Variants in KIAA1671 observed in about 807,000 individuals in gnomAD.
The protein encoded by KIAA1671 is KIAA1671, also known as uncharacterized protein KIAA1671.
In KIAA1671, 52 loss-of-function variants were observed where a neutral mutation model predicts 131.2. The ratio of observed to expected loss-of-function variants is 0.40; its 90% CI spans 0.32 to 0.50. The LOEUF (loss-of-function observed/expected upper bound fraction) is 0.50. Ranked by LOEUF, KIAA1671 falls within the 20% of genes least tolerant of loss-of-function variation. The probability of loss-of-function intolerance (pLI) is 0.73; values close to 1 mark genes in which losing one functional copy is unlikely to be tolerated. For missense variants in KIAA1671, 2,360 were observed against 2,364.2 expected, an observed-to-expected ratio of 1.00 and a Z score of 0.04; for synonymous variants, 1,003 against 961.6, an observed-to-expected ratio of 1.04 and a Z score of -0.80.
chr22:24,998,809 A>G (rs987765745), intron 1 of KIAA1671, among the ~76,000 whole-genome samples: 2 of 151,664 alleles, frequency 1.3e-5, no homozygotes, highest in African/African-American at 4.8e-5. Flanking sequence ...ACCATCACAA[A>G]TGAAACCATC....
At chr22:25,001,151 ATG>A (rs1924447716) in intron 1 of KIAA1671, among the ~76,000 whole-genome samples, 1 of 151,750 alleles carries the variant, frequency 6.6e-6, no homozygotes, top group African/African-American at 2.4e-5. Context: ...GCTTTGTAAA[ATG>A]TGTGTATGTG....
At position 25,174,495 on chromosome 22, in the gene KIAA1671, T is replaced by A; in HGVS notation, c.4899+6T>A. 1.3e-6 allele frequency: 2 copies of A among 1,507,762 alleles called. No individual in the cohort carries two copies. Among genetic ancestry groups the A allele is most frequent in the Non-Finnish European group, 1.8e-6 (2 of 1,122,416 alleles). 93.4% of individuals were successfully genotyped at this position (1,507,762 alleles called of 1,614,324 possible). A position where few individuals can be genotyped will look rare whatever the true frequency, so the allele number is the denominator to read the frequency against. On this transcript the variant is annotated splice_donor_region_variant and intron_variant, in intron 8 of 12. Coordinates refer to ENST00000358431, the MANE Select transcript of KIAA1671 (RefSeq NM_001145206.2). ...ATGACTTCTCCTTCATTGATGTAAG[T>A]CAGTGGCCAGGAGCATTTCTTCTTA...
At chr22:25,098,545 T>G (rs1002751995) in intron 6 of KIAA1671, among the ~76,000 whole-genome samples, 3 of 148,962 alleles carry the variant, frequency 2.0e-5, no homozygotes, top group Non-Finnish European at 4.4e-5. Flanking sequence ...AGAGTAACCT[T>G]AGAGCTGTGA....
At position 25,109,618 on chromosome 22, in the gene KIAA1671, C is replaced by T. The variant is rs12158279; in HGVS notation, c.4530+60254C>T. Reference sequence around the variant, plus strand: ...ATTTCACCTCTGTGGATCTCAGTCTCCTCTGTCAAATGGGTTCATGCAAAA... The same window carrying T: ...ATTTCACCTCTGTGGATCTCAGTCTTCTCTGTCAAATGGGTTCATGCAAAA... On this transcript the variant is annotated intron_variant, in intron 6 of 12. Transcript: ENST00000358431. Among the ~76,000 whole-genome samples, 890 of 152,278 alleles carry T rather than the reference C, an allele frequency of 5.8e-3. 10 individuals carry two copies. The highest frequency in any genetic ancestry group is 0.032 in the South Asian group (153 of 4,824).
intron 2 of KIAA1671, among the ~76,000 whole-genome samples, chr22:25,026,156 G>A (rs1256233344): frequency 2.6e-5 from 4 of 152,214 alleles, no homozygotes; most frequent in African/African-American, 9.7e-5. Context: ...CATCGAGCGT[G>A]TAAGGAAGAG....
intron 4 of KIAA1671, among the ~76,000 whole-genome samples, chr22:25,035,871 C>T (rs8140447): frequency 0.088 from 13,348 of 152,052 alleles, 1,930 homozygotes; most frequent in African/African-American, 0.3. Context: ...TATAAGTAGA[C>T]TTTATGTGTG....
chr22:25,177,412 G>A lies in KIAA1671; in HGVS notation c.4964G>A (p.Arg1655His), dbSNP rs890567254. The change falls in exon 9 of 13, where the codon CGC becomes CAC. Residue 1655 changes from arginine (R) to histidine (H), a missense_variant. Around this residue, in one of 3 missense-constraint regions of KIAA1671, gnomAD observed 1,161 missense variants for 1,204.7 expected, o/e 0.96. Transcript: ENST00000358431. ...TRVQLSKRSR[R>H]RAPISHSLRR... ...GTGCAGCTCAGCAAGAGAAGCCGCC[G>A]CCGGGCCCCCATCTCCCACTCCCTC... The A allele has an allele frequency of 5.8e-6, 9 of 1,551,734 alleles. No individual in the cohort carries two copies. The highest frequency in any genetic ancestry group is 2.7e-5 in the African/African-American group (2 of 73,164).
intron 6 of KIAA1671, chr22:25,056,761 C>G (rs1838053549): frequency 7.2e-6 from 1 of 138,536 alleles, no homozygotes; most frequent in African/African-American, 2.7e-5. Flanking sequence ...TGCAGTGACC[C>G]AAGATCGGGC....
chr22:25,041,642 T>C, intron 5 of KIAA1671, 117 bp downstream of exon 5: 1 of 1,066,500 alleles, frequency 9.4e-7, no homozygotes, highest in Non-Finnish European at 1.3e-6. Context: ...GGAGTCAGGC[T>C]GGGTATGAGG....
Position 25,028,134 on chromosome 22 carries a change from C to G in KIAA1671, c.135C>G (p.Ala45=). 1 of 1,551,252 alleles carries G rather than the reference C, an allele frequency of 6.4e-7. No individual in the cohort carries two copies. Among genetic ancestry groups the G allele is most frequent in the South Asian group, 1.2e-5 (1 of 84,014 alleles). Reference sequence around the variant, plus strand: ...GCGAAGCCTCTGGGGCTCCCCCAGCCCGGATCTTGGAAGCGAAGAGCCCCC... The same window carrying G: ...GCGAAGCCTCTGGGGCTCCCCCAGCGCGGATCTTGGAAGCGAAGAGCCCCC... ...QAGEASGAPP[A]RILEAKSPLR... The change falls in exon 3 of 13, where the codon GCC becomes GCG. Residue 45 remains alanine, a synonymous_variant. Transcript: ENST00000358431.
chr22:25,028,788 A>G lies in KIAA1671; in HGVS notation c.789A>G (p.Thr263=). The stretch of plus-strand genomic sequence containing the variant: ...AGCCAGGCCCCGGCGCAGCGGCCAC[A>G]GTGGGCAAAGTGCCACCCACCCCTC... ...PQKPGPGAAA[T]VGKVPPTPPE... Residue 263 remains threonine (T), a synonymous_variant, in exon 3 of 13, where the codon ACA becomes ACG. Coordinates refer to ENST00000358431, the MANE Select transcript of KIAA1671 (RefSeq NM_001145206.2). The G allele has an allele frequency of 1.3e-6, 2 of 1,551,300 alleles. No homozygotes were observed. The highest frequency in any genetic ancestry group is 1.7e-6 in the Non-Finnish European group (2 of 1,147,014).
chr22:25,099,537 GTTTTTTTGTTTTTTTTTTTTTT>G (rs200530904), intron 6 of KIAA1671, among the ~76,000 whole-genome samples: 53,415 of 112,054 alleles, frequency 0.48, 10,736 homozygotes, highest in Middle Eastern at 0.54. Context: ...CAAAATGTGG[GTTTTTTTGTTTTTTTTTTTTTT>G]TTTTTTTTTT....
At chr22:25,081,589 T>C (rs1929409883) in intron 6 of KIAA1671, among the ~76,000 whole-genome samples, 1 of 149,782 alleles carries the variant, frequency 6.7e-6, no homozygotes, top group Non-Finnish European at 1.5e-5. Context: ...GGCACCCCTG[T>C]TCTAACAACA....
At chr22:25,026,476 A>G (rs958833809) in intron 2 of KIAA1671, among the ~76,000 whole-genome samples, 3 of 152,136 alleles carry the variant, frequency 2.0e-5, no homozygotes, top group African/African-American at 7.2e-5. Context: ...CAAGCCTGTA[A>G]TCTCAGCACT....
At chr22:24,965,740 C>CAA (rs767916092) in intron 1 of KIAA1671, among the ~76,000 whole-genome samples, 71 of 44,332 alleles carry the variant, frequency 1.6e-3, no homozygotes, top group East Asian at 3.1e-3. Flanking sequence ...AACTCCATCT[C>CAA]AAAAAAAAAA....
intron 6 of KIAA1671, chr22:25,052,522 A>G (rs1602100470): frequency 6.6e-6 from 1 of 152,162 alleles, no homozygotes; most frequent in East Asian, 1.9e-4. Flanking sequence ...CAGATGGGCA[A>G]ACTGAGGCTC....
chr22:25,032,535 T>G lies in KIAA1671; in HGVS notation c.1542-74T>G. 4.4e-6 allele frequency: 4 copies of G among 912,026 alleles called. No homozygotes were observed. In the East Asian group the frequency reaches 1.1e-4, roughly 25 times the overall value. The allele number at this position is 912,026 out of a possible 1,614,324, so 56.5% of individuals were successfully genotyped here. A position where few individuals can be genotyped will look rare whatever the true frequency, so the allele number is the denominator to read the frequency against. ...TTTCTGAAGGTTACTTGGCCTGGCC[T>G]CCTGAGCTGGTGTGTGGGCTGGGGG... is the stretch of plus-strand genomic sequence containing the variant. On this transcript the variant is annotated intron_variant, in intron 3 of 12. Coordinates refer to ENST00000358431, the MANE Select transcript of KIAA1671 (RefSeq NM_001145206.2).
chr22:25,002,184 C>G (rs886874217), intron 1 of KIAA1671, among the ~76,000 whole-genome samples: 1 of 152,012 alleles, frequency 6.6e-6, no homozygotes, highest in Non-Finnish European at 1.5e-5. Context: ...GTTTAATGAT[C>G]CAGGAAAAAA....
chr22:25,106,919 A>T (rs371243564), intron 6 of KIAA1671, among the ~76,000 whole-genome samples: 1 of 152,220 alleles, frequency 6.6e-6, no homozygotes, highest in Non-Finnish European at 1.5e-5. Flanking sequence ...GAACATTCTT[A>T]TAGCAAAATG....
Sources: allele counts gnomAD v4.1 joint callset (sites outside exome capture counted in the v4.1 genomes callset), GRCh38; gene constraint gnomAD v4.1.1; regional missense constraint gnomAD v4.1.1; transcripts MANE v1.5; gene names NCBI Gene and HGNC (gene_info 2026-07-23, HGNC 2026-07-21).